Variants in XIRP2 observed in about 807,000 individuals in gnomAD.
The protein encoded by XIRP2 is xin actin binding repeat containing 2.
A neutral mutation model predicts 277.0 loss-of-function variants in XIRP2; 236 were observed. That is an observed-to-expected ratio of 0.85 (90% CI 0.77 to 0.95). The LOEUF (loss-of-function observed/expected upper bound fraction) is 0.95, where lower values mean the gene tolerates loss of function less well. Among genes scored for constraint, XIRP2 ranks in the 40% least tolerant of loss-of-function variants. The probability of loss-of-function intolerance (pLI) is 0.00; values close to 1 mark genes in which losing one functional copy is unlikely to be tolerated. For synonymous variants in XIRP2, 1,490 were observed against 1,416.5 expected (o/e 1.05, Z -1.17); for missense variants, 4,640 against 4,157.5 (o/e 1.12, Z -3.19).
At chr2:167,108,195 T>C (rs1448964680) in intron 2 of XIRP2, among the ~76,000 whole-genome samples, 1 of 151,942 alleles carries the variant, frequency 6.6e-6, no homozygotes, top group African/African-American at 2.4e-5. Flanking sequence ...GTATTAATAG[T>C]ATCTCTTTCA....
intron 1 of XIRP2, among the ~76,000 whole-genome samples, chr2:166,898,737 G>A (rs1010959791): frequency 5.3e-5 from 8 of 152,012 alleles, no homozygotes; most frequent in African/African-American, 1.9e-4. Flanking sequence ...CTACCACACA[G>A]ATCTCCCTGT....
intron 2 of XIRP2, among the ~76,000 whole-genome samples, chr2:167,132,466 C>T (rs760006899): frequency 1.1e-4 from 17 of 151,344 alleles, no homozygotes; most frequent in African/African-American, 3.6e-4. Context: ...AGTTAGACTG[C>T]GCTTTTCACA....
At chr2:166,908,903 G>T (rs886106273) in intron 2 of XIRP2, among the ~76,000 whole-genome samples, 1 of 152,058 alleles carries the variant, frequency 6.6e-6, no homozygotes, top group East Asian at 1.9e-4. Context: ...TTTTTGTCAG[G>T]TTTGTCAAAG....
chr2:167,121,062 T>C (rs1165084334), intron 2 of XIRP2, among the ~76,000 whole-genome samples: 1 of 152,134 alleles, frequency 6.6e-6, no homozygotes, highest in Non-Finnish European at 1.5e-5. Context: ...CCTACAGAGA[T>C]GAAATAACTG....
intron 3 of XIRP2, among the ~76,000 whole-genome samples, chr2:167,146,700 T>C (rs1691874189): frequency 6.6e-6 from 1 of 152,000 alleles, no homozygotes; most frequent in South Asian, 2.1e-4. Context: ...CTAAACACTT[T>C]ATAGAACTGA....
intron 8 of XIRP2, among the ~76,000 whole-genome samples, chr2:167,242,236 A>G (rs939629847): frequency 3.9e-5 from 6 of 152,208 alleles, no homozygotes; most frequent in Non-Finnish European, 8.8e-5. Flanking sequence ...ACAACCCTCA[A>G]AAGTACTTTA....
chr2:166,926,495 C>A (rs773191470), intron 2 of XIRP2, among the ~76,000 whole-genome samples: 2 of 152,054 alleles, frequency 1.3e-5, no homozygotes, highest in African/African-American at 2.4e-5. Flanking sequence ...TCAAAAGAAA[C>A]GAGAGGTCAT....
At chr2:167,156,378 T>C (rs181527094) in intron 3 of XIRP2, among the ~76,000 whole-genome samples, 7 of 152,140 alleles carry the variant, frequency 4.6e-5, no homozygotes, top group African/African-American at 1.7e-4. Context: ...TGAAAATAAC[T>C]TATCACACTG....
chr2:166,968,769 AAGCT>A (rs1450472112), intron 2 of XIRP2, among the ~76,000 whole-genome samples: 5 of 151,938 alleles, frequency 3.3e-5, no homozygotes, highest in African/African-American at 1.2e-4. Flanking sequence ...TTTTTAACAG[AAGCT>A]AGTACAATAG....
rs1559046440 is a variant in XIRP2 at position 167,251,948 on chromosome 2, G to C, written c.10555+1G>C. The C allele has an allele frequency of 6.5e-7, 1 of 1,540,372 alleles. No homozygotes were observed. The highest frequency in any genetic ancestry group is 8.7e-7 in the Non-Finnish European group (1 of 1,151,100). ...CAAGAGGAATCTGCATTTATAAGTG[G>C]TAAATGAGCTTGCAATGTGTTAAAG... On this transcript the variant is annotated splice_donor_variant, in intron 9 of 10. Transcript: ENST00000409195. LOFTEE classifies it high-confidence loss of function.
At chr2:166,905,999 CATG>C (rs1684508217) in intron 2 of XIRP2, among the ~76,000 whole-genome samples, 1 of 151,854 alleles carries the variant, frequency 6.6e-6, no homozygotes, top group Non-Finnish European at 1.5e-5. Context: ...ATTATAAAGT[CATG>C]ATATAATATT....
intron 2 of XIRP2, among the ~76,000 whole-genome samples, chr2:166,919,219 C>T (rs938290485): frequency 6.6e-6 from 1 of 152,038 alleles, no homozygotes; most frequent in Non-Finnish European, 1.5e-5. Flanking sequence ...AACACATTTT[C>T]CTACGTGGAA....
chr2:167,244,772 G>A lies in XIRP2; in HGVS notation c.3380G>A (p.Cys1127Tyr). The A allele has an allele frequency of 1.2e-6, 2 of 1,613,450 alleles. No individual in the cohort carries two copies. Among genetic ancestry groups the A allele is most frequent in the Non-Finnish European group, 1.7e-6 (2 of 1,179,708 alleles). ...ATTCATAAGGGAGATGTCAAAACTTGTACTTGGCTCTTTGAAACTCAGCCA... is the reference window on the plus strand; with the variant it reads ...ATTCATAAGGGAGATGTCAAAACTTATACTTGGCTCTTTGAAACTCAGCCA... ...EEIHKGDVKT[C>Y]TWLFETQPLD... Residue 1127 changes from cysteine (C) to tyrosine (Y), a missense_variant, in exon 9 of 11, where the codon TGT becomes TAT. Transcript: ENST00000409195.
intron 2 of XIRP2, among the ~76,000 whole-genome samples, chr2:167,061,166 A>G (rs1689163289): frequency 6.6e-6 from 1 of 152,190 alleles, no homozygotes; most frequent in Non-Finnish European, 1.5e-5. Context: ...TTACAAGGAT[A>G]CAAAAATACA....
intron 2 of XIRP2, among the ~76,000 whole-genome samples, chr2:166,995,353 T>C (rs978103842): frequency 2.6e-5 from 4 of 152,210 alleles, no homozygotes; most frequent in South Asian, 2.1e-4. Context: ...TTTCTCTAAG[T>C]GATGCTTTAA....
chr2:166,932,181 T>C (rs544618124), intron 2 of XIRP2, among the ~76,000 whole-genome samples: 2 of 152,164 alleles, frequency 1.3e-5, no homozygotes, highest in African/African-American at 4.8e-5. Context: ...TCTTCCTGTT[T>C]GTGACTTACA....
chr2:167,022,695 T>C (rs1216628804), intron 2 of XIRP2, among the ~76,000 whole-genome samples: 1 of 151,686 alleles, frequency 6.6e-6, no homozygotes, highest in African/African-American at 2.4e-5. Context: ...TGAGAACATG[T>C]GGTGTTCGGT....
intron 2 of XIRP2, among the ~76,000 whole-genome samples, chr2:166,959,789 A>G (rs2105405918): frequency 6.6e-6 from 1 of 151,784 alleles, no homozygotes; most frequent in Admixed American, 6.6e-5. Flanking sequence ...TCAGAGGTTA[A>G]ACATCTTCTA....
rs758204621 is a variant in XIRP2, at chr2:167,243,468, G to A, written c.2076G>A (p.Val692=). The A allele has an allele frequency of 2.5e-6, 4 of 1,613,974 alleles. No homozygotes were observed. The highest frequency in any genetic ancestry group is 8.5e-7 in the Non-Finnish European group (1 of 1,179,998). Residue 692 remains valine, a synonymous_variant, in exon 9 of 11, where the codon GTG becomes GTA. Coordinates refer to ENST00000409195, the MANE Select transcript of XIRP2 (RefSeq NM_152381.6). The stretch of plus-strand genomic sequence containing the variant: ...TAACTGGGGGGGATGTCAAGACTGT[G>A]AGATACATGTTTGAAACTCAACATC... ...KDITGGDVKT[V]RYMFETQHLD... is the part of the protein sequence containing the mutation.
Sources: gnomAD v4.1 joint callset for allele counts (sites outside exome capture counted in the v4.1 genomes callset) on GRCh38, gnomAD v4.1.1 for gene constraint, MANE v1.5 for transcripts, NCBI Gene and HGNC (gene_info 2026-07-23, HGNC 2026-07-21) for gene names.